Variants in PDE1A observed in about 807,000 individuals in gnomAD.
PDE1A encodes the protein dual specificity calcium/calmodulin-dependent 3',5'-cyclic nucleotide phosphodiesterase 1A.
PDE1A carries 35 observed loss-of-function variants against 61.7 expected under a neutral mutation model. The ratio of observed to expected loss-of-function variants is 0.57; its 90% confidence interval spans 0.43 to 0.75. PDE1A has a LOEUF of 0.75. Among genes scored for constraint, PDE1A ranks in the 30% least tolerant of loss-of-function variants. PDE1A has a pLI of 0.00. For missense variants in PDE1A, 597 were observed against 630.6 expected (o/e 0.95, Z 0.57); for synonymous variants, 232 against 213.2 (o/e 1.09, Z -0.77).
the PDE1A span, among the ~76,000 whole-genome samples, chr2:182,552,704 T>A: frequency 1.3e-5 from 2 of 152,094 alleles, no homozygotes; most frequent in Admixed American, 1.3e-4. Flanking sequence ...TAGCCAATCA[T>A]CTATTGCCTG....
intron 13 of PDE1A, among the ~76,000 whole-genome samples, chr2:182,175,243 C>G (rs1271618985): frequency 6.6e-6 from 1 of 152,050 alleles, no homozygotes; most frequent in Non-Finnish European, 1.5e-5. Context: ...GATTTATAAT[C>G]CTTTGGGTAC....
the PDE1A span, among the ~76,000 whole-genome samples, chr2:182,679,043 C>A: frequency 7.4e-6 from 1 of 135,206 alleles, no homozygotes; most frequent in Middle Eastern, 5.4e-3. Context: ...CTCACTCTGT[C>A]ACCTAGACTG....
rs142445360 is a variant in PDE1A, at chr2:182,391,228, C to T, written c.53+35350G>A. On this transcript the variant is annotated intron_variant, in intron 1 of 13. Coordinates refer to ENST00000351439, the Ensembl canonical transcript of PDE1A. ...AAGGAGGGCCCATATCCGCATTTAA[C>T]GTTGCAGCTCTGGGAGTTATATTGA... is the stretch of plus-strand genomic sequence containing the variant. 1.2e-3 allele frequency among the ~76,000 whole-genome samples: 176 copies of T among 152,116 alleles called. 2 individuals are homozygous for T. The highest frequency in any genetic ancestry group is 4.2e-3 in the African/African-American group (173 of 41,486).
chr2:182,260,498 T>C (rs2125773565), intron 2 of PDE1A, among the ~76,000 whole-genome samples: 1 of 152,284 alleles, frequency 6.6e-6, no homozygotes, highest in South Asian at 2.1e-4. Flanking sequence ...CCACATAAAT[T>C]ATTATTGTTC....
intron 1 of PDE1A, among the ~76,000 whole-genome samples, chr2:182,374,000 CAGT>C (rs1462974209): frequency 1.3e-4 from 20 of 152,094 alleles, no homozygotes; most frequent in Non-Finnish European, 2.9e-4. Context: ...TTTGCCACAG[CAGT>C]CATTCAATTA....
chr2:182,201,684 C>G lies in PDE1A; in HGVS notation c.1004+4G>C. On this transcript the variant is annotated splice_donor_region_variant and intron_variant, in intron 9 of 13. Transcript: ENST00000351439. Reference sequence around the variant, plus strand: ...AAAAACAACAAAAAAAACACAAAACCTACCCTTCAGGCTGCTGCAAACTGT... The same window carrying G: ...AAAAACAACAAAAAAAACACAAAACGTACCCTTCAGGCTGCTGCAAACTGT... The G allele has an allele frequency of 4.5e-6, 7 of 1,551,680 alleles. No homozygotes were observed. The highest frequency in any genetic ancestry group is 6.1e-6 in the Non-Finnish European group (7 of 1,146,234).
At chr2:182,385,346 T>C (rs995265349) in intron 1 of PDE1A, among the ~76,000 whole-genome samples, 2 of 151,940 alleles carry the variant, frequency 1.3e-5, no homozygotes, top group Non-Finnish European at 2.9e-5. Flanking sequence ...AAAATAATAA[T>C]AGCAACAGTA....
the PDE1A span, among the ~76,000 whole-genome samples, chr2:182,684,338 T>C: frequency 1.3e-5 from 2 of 152,138 alleles, no homozygotes; most frequent in Non-Finnish European, 2.9e-5. Context: ...TTGTATTTTC[T>C]AGCCAATACA....
chr2:182,369,222 A>G (rs1700000735), intron 1 of PDE1A, among the ~76,000 whole-genome samples: 1 of 152,164 alleles, frequency 6.6e-6, no homozygotes, highest in Non-Finnish European at 1.5e-5. Context: ...CCTAACAAGC[A>G]TGCCTAACTC....
chr2:182,537,455 A>AT, the PDE1A span, among the ~76,000 whole-genome samples: 2 of 152,132 alleles, frequency 1.3e-5, no homozygotes, highest in Non-Finnish European at 2.9e-5. Flanking sequence ...CAATGAGAAC[A>AT]TATGGACACA....
At chr2:182,348,866 C>A (rs540627570) in intron 1 of PDE1A, among the ~76,000 whole-genome samples, 1 of 151,734 alleles carries the variant, frequency 6.6e-6, no homozygotes, top group Non-Finnish European at 1.5e-5. Flanking sequence ...ACAGATTGAG[C>A]TAGACGGTTT....
the PDE1A span, among the ~76,000 whole-genome samples, chr2:182,601,582 G>A: frequency 6.6e-6 from 1 of 152,232 alleles, no homozygotes; most frequent in South Asian, 2.1e-4. Flanking sequence ...GAGGCACACA[G>A]ACAAATGGAG....
chr2:182,193,014 G>C (rs909751157), intron 10 of PDE1A, among the ~76,000 whole-genome samples: 3 of 152,084 alleles, frequency 2.0e-5, no homozygotes, highest in Admixed American at 2.0e-4. Context: ...CTTGAGAGGA[G>C]TCTCACTCTG....
At chr2:182,708,243 A>G in the PDE1A span, among the ~76,000 whole-genome samples, 2 of 152,034 alleles carry the variant, frequency 1.3e-5, no homozygotes, top group South Asian at 4.2e-4. Context: ...TGATTCAATT[A>G]TCTCCCACCG....
intron 1 of PDE1A, among the ~76,000 whole-genome samples, chr2:182,379,380 T>C (rs887173555): frequency 6.6e-6 from 1 of 152,222 alleles, no homozygotes; most frequent in Admixed American, 6.5e-5. Flanking sequence ...TGAAACTGTG[T>C]GAATATCAAG....
At chr2:182,229,709 T>A (rs375931296) in intron 6 of PDE1A, among the ~76,000 whole-genome samples, 2 of 152,056 alleles carry the variant, frequency 1.3e-5, no homozygotes, top group Admixed American at 6.6e-5. Context: ...CTAGGTCACT[T>A]TTTTTGGTTG....
At chr2:182,574,144 G>T in the PDE1A span, among the ~76,000 whole-genome samples, 2 of 151,932 alleles carry the variant, frequency 1.3e-5, no homozygotes. Context: ...CAGCACGGGA[G>T]AAAGATGTAG....
intron 3 of PDE1A, among the ~76,000 whole-genome samples, chr2:182,238,190 A>G (rs1690193066): frequency 6.8e-6 from 1 of 147,182 alleles, no homozygotes; most frequent in Admixed American, 7.0e-5. Context: ...AATCACTTGA[A>G]CCCGGGAGGC....
intron 2 of PDE1A, among the ~76,000 whole-genome samples, chr2:182,257,702 C>T (rs2125761958): frequency 6.6e-6 from 1 of 152,150 alleles, no homozygotes; most frequent in East Asian, 1.9e-4. Flanking sequence ...TTTGATTGGC[C>T]CCTATCTTTA....
Sources: allele counts gnomAD v4.1 joint callset (sites outside exome capture counted in the v4.1 genomes callset), GRCh38; gene constraint gnomAD v4.1.1; transcripts MANE v1.5; gene names NCBI Gene and HGNC (gene_info 2026-07-23, HGNC 2026-07-21).